ZCCHC10: variants seen among roughly 807,000 people sequenced by gnomAD.
The protein encoded by ZCCHC10 is zinc finger CCHC domain-containing protein 10.
Under a neutral mutation model 19.5 loss-of-function variants are expected in ZCCHC10, and 16 were observed. The observed-to-expected ratio is 0.82, with a 90% CI of 0.56 to 1.25. The LOEUF (loss-of-function observed/expected upper bound fraction) is 1.25. Ranked by LOEUF, ZCCHC10 falls within the 50% of genes most tolerant of loss-of-function variation. ZCCHC10 has a pLI of 0.00. For synonymous variants in ZCCHC10, 67 were observed against 72.5 expected (o/e 0.92, Z 0.38); for missense variants, 197 against 201.0 (o/e 0.98, Z 0.12).
chr5:133,012,561 A>T (rs986740948), intron 2 of ZCCHC10, among the ~76,000 whole-genome samples: 1 of 152,136 alleles, frequency 6.6e-6, no homozygotes, highest in Non-Finnish European at 1.5e-5. Context: ...TAATTAAAAA[A>T]AAAAGAAAGA....
At chr5:133,018,509 C>T (rs1397699057) in intron 2 of ZCCHC10, among the ~76,000 whole-genome samples, 4 of 152,034 alleles carry the variant, frequency 2.6e-5, no homozygotes, top group Non-Finnish European at 4.4e-5. Context: ...AAACGATTCT[C>T]GTGCCTCAGC....
rs534865253 is a variant in ZCCHC10, at chr5:133,015,346, T to G, written c.107+7495A>C. 9.8e-5 allele frequency among the ~76,000 whole-genome samples: 15 copies of G among 152,340 alleles called. No individual in the cohort carries two copies. In the East Asian group the frequency reaches 2.9e-3, roughly 29 times the overall value. On this transcript the variant is annotated intron_variant, in intron 2 of 4. Coordinates refer to ENST00000509437, the MANE Select transcript of ZCCHC10 (RefSeq NM_001300816.3). ...TGGCTGACTTGGCCTCCCAAAGTGC[T>G]GGGATTACAGGCAGAAGCCACCGCG...
intron 2 of ZCCHC10, among the ~76,000 whole-genome samples, chr5:133,020,245 T>C (rs1211860769): frequency 1.3e-5 from 2 of 151,892 alleles, no homozygotes; most frequent in African/African-American, 4.8e-5. Flanking sequence ...GGCAGATCAC[T>C]TGATACCAGG....
chr5:133,014,986 G>A (rs1763823400), intron 2 of ZCCHC10, among the ~76,000 whole-genome samples: 1 of 151,816 alleles, frequency 6.6e-6, no homozygotes, highest in South Asian at 2.1e-4. Flanking sequence ...ATCCTATCAG[G>A]TTAACATAAG....
chr5:133,012,907 C>T (rs540978274), intron 2 of ZCCHC10, among the ~76,000 whole-genome samples: 17 of 151,898 alleles, frequency 1.1e-4, no homozygotes, highest in South Asian at 6.2e-4. Flanking sequence ...AAAAATTAGC[C>T]GGGCGCAGTG....
At chr5:133,021,470 G>A (rs182974808) in intron 2 of ZCCHC10, among the ~76,000 whole-genome samples, 1 of 152,280 alleles carries the variant, frequency 6.6e-6, no homozygotes, top group East Asian at 1.9e-4. Context: ...ATATACATAA[G>A]CACGGATCAG....
chr5:133,010,935 G>T (rs895202869), intron 2 of ZCCHC10, among the ~76,000 whole-genome samples: 3 of 149,724 alleles, frequency 2.0e-5, no homozygotes, highest in African/African-American at 7.3e-5. Flanking sequence ...GGGATTACAG[G>T]CGCCTGCCAC....
intron 2 of ZCCHC10, among the ~76,000 whole-genome samples, chr5:133,013,893 T>A (rs1037881520): frequency 6.6e-6 from 1 of 152,154 alleles, no homozygotes; most frequent in Non-Finnish European, 1.5e-5. Context: ...AATAGAAATC[T>A]ATGCACAAGT....
intron 1 of ZCCHC10, among the ~76,000 whole-genome samples, chr5:133,024,964 C>G (rs1189105319): frequency 6.6e-6 from 1 of 152,020 alleles, no homozygotes; most frequent in East Asian, 1.9e-4. Flanking sequence ...GCTTACTACT[C>G]TAACTCCCTA....
intron 1 of ZCCHC10, among the ~76,000 whole-genome samples, chr5:133,025,446 G>T (rs1172727169): frequency 2.1e-5 from 3 of 141,964 alleles, no homozygotes; most frequent in African/African-American, 7.7e-5. Context: ...GGAGCTTGCA[G>T]TGAGCCAAGA....
chr5:133,013,061 T>TAAAAAAA (rs368155320), intron 2 of ZCCHC10, among the ~76,000 whole-genome samples: 1 of 113,068 alleles, frequency 8.8e-6, no homozygotes, highest in Non-Finnish European at 1.9e-5. Flanking sequence ...AAAAAAAAAT[T>TAAAAAAA]AAAAAAAAAA....
At chr5:133,006,029 G>T (rs1298854142) in intron 3 of ZCCHC10, among the ~76,000 whole-genome samples, 2 of 131,820 alleles carry the variant, frequency 1.5e-5, no homozygotes, top group Admixed American at 9.1e-5. Flanking sequence ...CTGTTGCCCA[G>T]TCGGGAATGC....
intron 2 of ZCCHC10, among the ~76,000 whole-genome samples, chr5:133,015,267 C>T (rs1472142690): frequency 1.3e-5 from 2 of 151,892 alleles, no homozygotes; most frequent in African/African-American, 4.8e-5. Flanking sequence ...TTAGCAGATA[C>T]AGGGTTTCAC....
In ZCCHC10 at chr5:132,998,190, C is replaced by G. The variant is rs1280947908; in HGVS notation, c.*393G>C. 3 of 170,010 alleles carry G rather than the reference C, an allele frequency of 1.8e-5. No individual in the cohort carries two copies. Among genetic ancestry groups the G allele is most frequent in the Middle Eastern group, 3.0e-3 (1 of 328 alleles). 10.5% of individuals were successfully genotyped at this position (170,010 alleles called of 1,614,324 possible). On this transcript the variant is annotated 3_prime_UTR_variant, in exon 5 of 5. Coordinates refer to ENST00000509437, the MANE Select transcript of ZCCHC10 (RefSeq NM_001300816.3). ...ATATTAAATCTTACATAACATACAG[C>G]CAAAAGCATTAGAAATCCACTGCCA...
rs557425605 is a variant in ZCCHC10, at chr5:133,024,354, C to T, written c.42-1448G>A. ...GATCTCTAAATCAATCAGAGCTTCA[C>T]AATCCCACAGGCATGGTTTAGCACT... On this transcript the variant is annotated intron_variant, in intron 1 of 4. Transcript: ENST00000509437. Among the ~76,000 whole-genome samples the T allele has an allele frequency of 1.2e-4, 18 of 152,302 alleles. No individual in the cohort carries two copies. The South Asian group carries it at 3.7e-3, about 32-fold the overall frequency.
At chr5:133,007,302 G>C (rs1763184402) in intron 2 of ZCCHC10, among the ~76,000 whole-genome samples, 1 of 152,080 alleles carries the variant, frequency 6.6e-6, no homozygotes, top group South Asian at 2.1e-4. Context: ...CAGCACTTTG[G>C]GAGGCTAAGG....
At chr5:132,998,884 G>A (rs773690923) in intron 4 of ZCCHC10, 34 bp from the exon 5 acceptor site, 8 of 1,591,898 alleles carry the variant, frequency 5.0e-6, no homozygotes, top group Non-Finnish European at 6.8e-6. Context: ...TACATGGGAA[G>A]GTGACATGTA....
chr5:132,998,992 T>G lies in ZCCHC10; in HGVS notation c.312-142A>C, dbSNP rs1455246024. On this transcript the variant is annotated intron_variant, in intron 4 of 4. Coordinates refer to ENST00000509437, the MANE Select transcript of ZCCHC10 (RefSeq NM_001300816.3). ...GTGCAGTGGCACAATCTCAGCTCAC[T>G]GCAACCTCTGCCTCCCAGGTTCAAG... 1.4e-5 allele frequency: 16 copies of G among 1,104,284 alleles called. 1 individual carries two copies. Among genetic ancestry groups the G allele is most frequent in the Non-Finnish European group, 2.0e-5 (16 of 791,426 alleles). The allele number at this position is 1,104,284 out of a possible 1,614,324, so 68.4% of individuals were successfully genotyped here.
At chr5:133,021,706 TATAA>T in intron 2 of ZCCHC10, among the ~76,000 whole-genome samples, 1 of 152,348 alleles carries the variant, frequency 6.6e-6, no homozygotes, top group East Asian at 1.9e-4. Flanking sequence ...CCATAGACTT[TATAA>T]ATACTGTACA....
Sources: gnomAD v4.1 joint callset for allele counts (sites outside exome capture counted in the v4.1 genomes callset) on GRCh38, gnomAD v4.1.1 for gene constraint, MANE v1.5 for transcripts, NCBI Gene and HGNC (gene_info 2026-07-23, HGNC 2026-07-21) for gene names.